SLC43A3: variants seen among roughly 807,000 people sequenced by gnomAD.
The protein encoded by SLC43A3 is solute carrier family 43 member 3.
Under a neutral mutation model 53.3 loss-of-function variants are expected in SLC43A3, and 33 were observed. The observed-to-expected ratio is 0.62, with a 90% CI of 0.47 to 0.83. SLC43A3 has a LOEUF of 0.83. Among genes scored for constraint, SLC43A3 ranks in the 40% least tolerant of loss-of-function variants. SLC43A3 has a pLI of 0.00. For synonymous variants in SLC43A3, 236 were observed against 246.2 expected, an observed-to-expected ratio of 0.96 and a Z score of 0.39; for missense variants, 530 against 610.0, an observed-to-expected ratio of 0.87 and a Z score of 1.38.
intron 11 of SLC43A3, among the ~76,000 whole-genome samples, chr11:57,412,679 G>A (rs539262684): frequency 2.0e-5 from 3 of 152,142 alleles, no homozygotes; most frequent in Non-Finnish European, 4.4e-5. Context: ...CAGGTAGTGG[G>A]TGCCTGTAAT....
intron 11 of SLC43A3, among the ~76,000 whole-genome samples, chr11:57,412,975 T>C (rs749645590): frequency 2.9e-4 from 44 of 150,086 alleles, no homozygotes; most frequent in Non-Finnish European, 4.7e-4. Flanking sequence ...TGATCAATCT[T>C]AACATCGTAA....
intron 12 of SLC43A3, 112 bp from the exon 13 acceptor site, chr11:57,409,410 C>A (rs1590672762): frequency 1.6e-6 from 2 of 1,253,838 alleles, no homozygotes; most frequent in East Asian, 2.4e-5. Flanking sequence ...CTGTCCTAGG[C>A]CTGCCCTCCA....
chr11:57,425,483 C>T, intron 4 of SLC43A3, 58 bp downstream of exon 4: 1 of 1,576,996 alleles, frequency 6.3e-7, no homozygotes, highest in Non-Finnish European at 8.7e-7. Context: ...CCAAGCTAGG[C>T]TGCTGCCTGA....
At chr11:57,409,847 C>A (rs1288476174) in intron 12 of SLC43A3, 88 bp downstream of exon 12, 2 of 1,320,076 alleles carry the variant, frequency 1.5e-6, no homozygotes, top group Admixed American at 2.6e-5. Context: ...TGCCTCCAGG[C>A]CCCGCCTTGC....
chr11:57,411,975 A>C (rs1423852469), intron 11 of SLC43A3, among the ~76,000 whole-genome samples: 3 of 152,102 alleles, frequency 2.0e-5, no homozygotes, highest in Non-Finnish European at 4.4e-5. Flanking sequence ...TTAAGTATTT[A>C]TGATATTTTT....
At chr11:57,425,411 G>A (rs1467723277) in intron 4 of SLC43A3, 130 bp downstream of exon 4, 2 of 903,602 alleles carry the variant, frequency 2.2e-6, no homozygotes, top group Non-Finnish European at 3.5e-6. Flanking sequence ...ACAGCTGCTG[G>A]GAGCGAGCTG....
chr11:57,417,716 G>T lies in SLC43A3; in HGVS notation c.671+32C>A, dbSNP rs771395835. The T allele has an allele frequency of 9.3e-6, 15 of 1,612,920 alleles. No homozygotes were observed. The African/African-American group carries it at 1.9e-4, about 20-fold the overall frequency. On this transcript the variant is annotated intron_variant, in intron 8 of 13. Coordinates refer to ENST00000395124, the MANE Select transcript of SLC43A3 (RefSeq NM_199329.3). ...CATCCCACCCTAGGGCCAATGAGGG[G>T]CTCTGGCCCACAATCACCAGATAGT...
At chr11:57,427,408 C>T (rs768200514), upstream of SLC43A3, 2 of 152,632 alleles carry the variant, frequency 1.3e-5, no homozygotes, top group Non-Finnish European at 2.9e-5. Flanking sequence ...TCAGGCCCAC[C>T]TAGGGAAAAT....
rs371907766 is a variant in SLC43A3, at chr11:57,409,923, A to G, written c.1247+12T>C. 1.4e-5 allele frequency: 22 copies of G among 1,601,790 alleles called. No individual in the cohort carries two copies. The highest frequency in any genetic ancestry group is 1.9e-5 in the Non-Finnish European group (22 of 1,174,110). On this transcript the variant is annotated intron_variant, in intron 12 of 13. Transcript: ENST00000395124. ...TGTCCGTCTCCACAGAGCCCGCCCC[A>G]AGGCCACTTACGCAAGGGTGAGGAA...
chr11:57,417,881 AAAG>A lies in SLC43A3; in HGVS notation c.535_537del (p.Leu179del). On this transcript the variant is annotated inframe_deletion, in exon 8 of 14. Transcript: ENST00000395124. ...GCCCTGAGGCTGATGCCTTTTTCAT[AAAG>A]AAGCTGCAGAAGGAGAAGGAAAAAG... 1.2e-6 allele frequency: 2 copies of A among 1,614,108 alleles called. No homozygotes were observed. Among genetic ancestry groups the A allele is most frequent in the Non-Finnish European group, 1.7e-6 (2 of 1,179,982 alleles).
intron 7 of SLC43A3, among the ~76,000 whole-genome samples, chr11:57,419,175 TC>T (rs1226501439): frequency 1.3e-5 from 2 of 151,856 alleles, no homozygotes; most frequent in Non-Finnish European, 2.9e-5. Context: ...GTGCCTTTTT[TC>T]CCCCAACGAC....
In SLC43A3 at chr11:57,414,950, C is replaced by T. The variant is rs748731432; in HGVS notation, c.926G>A (p.Gly309Asp). 7.4e-6 allele frequency: 12 copies of T among 1,613,146 alleles called. No homozygotes were observed. In the Admixed American group the frequency reaches 1.5e-4, roughly 20 times the overall value. Residue 309 changes from glycine to aspartate, a missense_variant, in exon 10 of 14, where the codon GGT becomes GAT. Gly to Asp is a moderately conservative substitution (Grantham distance 94). Coordinates refer to ENST00000395124, the MANE Select transcript of SLC43A3 (RefSeq NM_199329.3). Reference sequence around the variant, plus strand: ...CCACATACCTCGTGCCATGTCCCCACCGGCCATGTTGGTCAGCAAGGAGTT... The same window carrying T: ...CCACATACCTCGTGCCATGTCCCCATCGGCCATGTTGGTCAGCAAGGAGTT... The part of the protein sequence containing the change: ...TLNSLLTNMA[G>D]GDMARVSTYT...
intron 8 of SLC43A3, among the ~76,000 whole-genome samples, chr11:57,417,365 G>A (rs965853038): frequency 6.6e-6 from 1 of 152,322 alleles, no homozygotes; most frequent in Non-Finnish European, 1.5e-5. Flanking sequence ...CGGTGTGAAT[G>A]AGCCCACGCT....
chr11:57,412,104 A>G (rs903824553), intron 11 of SLC43A3, among the ~76,000 whole-genome samples: 2 of 152,198 alleles, frequency 1.3e-5, no homozygotes, highest in Non-Finnish European at 2.9e-5. Context: ...AATTAAAGAA[A>G]CCCAGGGCTA....
intron 11 of SLC43A3, among the ~76,000 whole-genome samples, chr11:57,410,693 A>G (rs1305172684): frequency 1.3e-5 from 2 of 151,628 alleles, no homozygotes; most frequent in Non-Finnish European, 2.9e-5. Context: ...TCTAAAAGAG[A>G]GGGAAATGTA....
In SLC43A3 at chr11:57,414,930, T is replaced by C; in HGVS notation, c.943+3A>G. The C allele has an allele frequency of 1.2e-6, 2 of 1,612,026 alleles. No homozygotes were observed. The highest frequency in any genetic ancestry group is 8.5e-7 in the Non-Finnish European group (1 of 1,179,978). ...TGGGCTACCTCCCAGCCCTACCACA[T>C]ACCTCGTGCCATGTCCCCACCGGCC... On this transcript the variant is annotated splice_donor_region_variant and intron_variant, in intron 10 of 13. Coordinates refer to ENST00000395124, the MANE Select transcript of SLC43A3 (RefSeq NM_199329.3).
intron 10 of SLC43A3, 72 bp from the exon 11 acceptor site, chr11:57,414,803 C>T (rs1409822226): frequency 5.9e-6 from 9 of 1,524,640 alleles, no homozygotes; most frequent in Non-Finnish European, 6.4e-6. Flanking sequence ...ACTCTCCCAC[C>T]TTACCCTTGT....
Position 57,425,735 on chromosome 11 carries a change from CT to C in SLC43A3, c.185-66del, listed in dbSNP as rs750788229. 8 of 1,599,844 alleles carry C rather than the reference CT, an allele frequency of 5.0e-6. No individual in the cohort carries two copies. In the East Asian group the frequency reaches 1.8e-4, roughly 36 times the overall value. On this transcript the variant is annotated intron_variant, in intron 3 of 13. Transcript: ENST00000395124. ...CTGCCAAATGAGCACACAGGCTGGG[CT>C]CCCCTCCACCTCAGACAGCTTGTCG...
chr11:57,418,637 CCCAGTACTTTGG>C (rs1942833014), intron 7 of SLC43A3, among the ~76,000 whole-genome samples: 1 of 152,062 alleles, frequency 6.6e-6, no homozygotes, highest in African/African-American at 2.4e-5. Flanking sequence ...TGCCTGTAAT[CCCAGTACTTTGG>C]GAGGCTGAGG....
Sources: allele counts gnomAD v4.1 joint callset (sites outside exome capture counted in the v4.1 genomes callset), GRCh38; gene constraint gnomAD v4.1.1; transcripts MANE v1.5; gene names NCBI Gene and HGNC (gene_info 2026-07-23, HGNC 2026-07-21).